The following SMYD3 variants were observed in gnomAD, a reference collection of about 807,000 sequenced individuals.
SMYD3 encodes SET and MYND domain containing 3.
SMYD3 carries 36 observed loss-of-function variants against 57.7 expected under a neutral mutation model. The ratio of observed to expected loss-of-function variants is 0.62; its 90% confidence interval spans 0.48 to 0.82. The LOEUF (loss-of-function observed/expected upper bound fraction) is 0.82. Among genes scored for constraint, SMYD3 ranks in the 40% least tolerant of loss-of-function variants. The pLI is 0.00. For synonymous variants in SMYD3, 211 were observed against 195.0 expected (o/e 1.08, Z -0.68); for missense variants, 515 against 538.8 (o/e 0.96, Z 0.44).
chr1:246,021,534 T>C (rs144928857), intron 5 of SMYD3, among the ~76,000 whole-genome samples: 3 of 152,254 alleles, frequency 2.0e-5, no homozygotes, highest in Non-Finnish European at 4.4e-5. Context: ...CCTGGCCAAC[T>C]AGCCACCCAG....
chr1:246,082,672 C>A (rs573365726), intron 5 of SMYD3, among the ~76,000 whole-genome samples: 3 of 152,032 alleles, frequency 2.0e-5, no homozygotes, highest in Admixed American at 6.6e-5. Context: ...GTGGGCTTGG[C>A]GAAATGGTTT....
intron 5 of SMYD3, chr1:246,109,826 C>G (rs879406431): frequency 6.6e-6 from 1 of 152,200 alleles, no homozygotes; most frequent in East Asian, 1.9e-4. Context: ...CCCAGTCTTA[C>G]TATGAGGATG....
intron 1 of SMYD3, among the ~76,000 whole-genome samples, chr1:246,499,792 G>GTTTTTTTTTTTT (rs2068429498): frequency 1.3e-5 from 2 of 152,034 alleles, no homozygotes; most frequent in African/African-American, 2.4e-5. Flanking sequence ...TCAAAACTTA[G>GTTTTTTTTTTTT]TTTTAATTTT....
chr1:246,090,663 G>A (rs370272661), intron 5 of SMYD3, among the ~76,000 whole-genome samples: 3 of 151,800 alleles, frequency 2.0e-5, no homozygotes, highest in South Asian at 2.1e-4. Context: ...GATCATGGGC[G>A]TGCCCCACCA....
At chr1:246,384,600 T>C (rs1055933306) in intron 1 of SMYD3, among the ~76,000 whole-genome samples, 1 of 152,156 alleles carries the variant, frequency 6.6e-6, no homozygotes. Context: ...TTTCACCATG[T>C]TGGCCAGGCT....
At chr1:246,158,159 T>C (rs961070177) in intron 5 of SMYD3, among the ~76,000 whole-genome samples, 2 of 152,218 alleles carry the variant, frequency 1.3e-5, no homozygotes, top group African/African-American at 4.8e-5. Flanking sequence ...AGACATCTTA[T>C]CCTGAATGCT....
chr1:246,155,939 A>G (rs2062016987), intron 5 of SMYD3, among the ~76,000 whole-genome samples: 2 of 151,986 alleles, frequency 1.3e-5, no homozygotes, highest in Non-Finnish European at 1.5e-5. Context: ...ATGAGCCAAG[A>G]TTGTGCCACT....
At chr1:246,339,913 A>T (rs1391426879) in intron 2 of SMYD3, among the ~76,000 whole-genome samples, 2 of 152,164 alleles carry the variant, frequency 1.3e-5, no homozygotes, top group Non-Finnish European at 2.9e-5. Context: ...TAATCCCTCA[A>T]CCTTGGACTT....
At chr1:246,362,803 G>A (rs574663335) in intron 1 of SMYD3, among the ~76,000 whole-genome samples, 41 of 152,270 alleles carry the variant, frequency 2.7e-4, no homozygotes, top group African/African-American at 9.4e-4. Context: ...GCGTGATCTC[G>A]GCTCGCTACA....
chr1:246,351,957 G>A (rs1175346897), intron 2 of SMYD3, among the ~76,000 whole-genome samples: 1 of 151,836 alleles, frequency 6.6e-6, no homozygotes, highest in Admixed American at 6.6e-5. Flanking sequence ...TCAACATGAT[G>A]AAACCCCACC....
At chr1:245,834,385 A>G (rs2050001545) in intron 10 of SMYD3, among the ~76,000 whole-genome samples, 1 of 152,146 alleles carries the variant, frequency 6.6e-6, no homozygotes, top group African/African-American at 2.4e-5. Context: ...ACAGGCAGGT[A>G]AGCATGCGAA....
intron 1 of SMYD3, among the ~76,000 whole-genome samples, chr1:246,454,580 A>C: frequency 6.6e-6 from 1 of 152,218 alleles, no homozygotes; most frequent in South Asian, 2.1e-4. Context: ...TACACAGGCA[A>C]ATAATCCACG....
chr1:246,236,516 G>A (rs554305278), intron 5 of SMYD3, among the ~76,000 whole-genome samples: 52 of 152,190 alleles, frequency 3.4e-4, no homozygotes, highest in African/African-American at 1.2e-3. Context: ...CTGGGTTCAC[G>A]CCATTCTCCT....
chr1:246,269,549 T>TTTC (rs1232136842), intron 5 of SMYD3, among the ~76,000 whole-genome samples: 1 of 151,182 alleles, frequency 6.6e-6, no homozygotes, highest in Non-Finnish European at 1.5e-5. Context: ...TTTTCTTTTT[T>TTTC]TTTTTTGTTT....
chr1:246,171,543 C>T (rs1278841805), intron 5 of SMYD3, among the ~76,000 whole-genome samples: 3 of 152,122 alleles, frequency 2.0e-5, no homozygotes, highest in Non-Finnish European at 4.4e-5. Context: ...GACACACTAA[C>T]GCAAACCTAG....
chr1:245,882,116 G>A (rs4654146), intron 8 of SMYD3, among the ~76,000 whole-genome samples: 81,405 of 152,090 alleles, frequency 0.54, 25,995 homozygotes, highest in Non-Finnish European at 0.73. Flanking sequence ...CAGGCAGACC[G>A]CTTAGGGAGG....
intron 5 of SMYD3, among the ~76,000 whole-genome samples, chr1:246,121,580 TTTAA>T (rs1484229651): frequency 6.6e-6 from 1 of 152,206 alleles, no homozygotes; most frequent in African/African-American, 2.4e-5. Context: ...AGTCTACATA[TTTAA>T]TTTTCAGTGT....
At chr1:246,481,395 A>G (rs2068097503) in intron 1 of SMYD3, among the ~76,000 whole-genome samples, 1 of 151,150 alleles carries the variant, frequency 6.6e-6, no homozygotes. Context: ...CCAACCTGTG[A>G]GGGCCCAATT....
chr1:246,420,247 TA>T (rs2067123230), intron 1 of SMYD3, among the ~76,000 whole-genome samples: 1 of 151,026 alleles, frequency 6.6e-6, no homozygotes, highest in African/African-American at 2.4e-5. Context: ...AATAAGAAGC[TA>T]ATACATAAAC....
Sources: allele counts gnomAD v4.1 joint callset (sites outside exome capture counted in the v4.1 genomes callset), GRCh38; gene constraint gnomAD v4.1.1; transcripts MANE v1.5; gene names NCBI Gene and HGNC (gene_info 2026-07-23, HGNC 2026-07-21).